The following PAG1 variants were observed in gnomAD, a reference collection of about 807,000 sequenced individuals.
PAG1 encodes phosphoprotein associated with glycosphingolipid-enriched microdomains 1.
PAG1 carries 23 observed loss-of-function variants against 31.7 expected under a neutral mutation model. The ratio of observed to expected loss-of-function variants is 0.73; its 90% CI spans 0.52 to 1.03. PAG1 has a LOEUF of 1.03. Ranked by LOEUF, PAG1 falls within the 50% of genes least tolerant of loss-of-function variation. The pLI, the probability that PAG1 is intolerant of heterozygous loss-of-function variation, is 0.00. For missense variants in PAG1, 473 were observed against 540.7 expected, an observed-to-expected ratio of 0.87 and a Z score of 1.24; for synonymous variants, 214 against 210.3, an observed-to-expected ratio of 1.02 and a Z score of -0.15.
chr8:81,061,779 T>G (rs1808921267), intron 2 of PAG1, among the ~76,000 whole-genome samples: 1 of 151,792 alleles, frequency 6.6e-6, no homozygotes, highest in South Asian at 2.1e-4. Context: ...AAGGTGAGAG[T>G]GTCTTATGGG....
intron 3 of PAG1, among the ~76,000 whole-genome samples, chr8:81,024,991 T>C (rs538453424): frequency 3.1e-4 from 47 of 152,284 alleles, no homozygotes; most frequent in Non-Finnish European, 5.7e-4. Context: ...GAAAAAAGCT[T>C]AGGGATAATT....
intron 2 of PAG1, among the ~76,000 whole-genome samples, chr8:81,045,562 G>C (rs955648192): frequency 6.6e-6 from 1 of 152,158 alleles, no homozygotes; most frequent in Non-Finnish European, 1.5e-5. Flanking sequence ...TGACAGCCTA[G>C]GGGTGAGGGG....
intron 1 of PAG1, among the ~76,000 whole-genome samples, chr8:81,099,509 C>T (rs956622391): frequency 1.3e-5 from 2 of 152,082 alleles, no homozygotes; most frequent in African/African-American, 4.8e-5. Context: ...TGAACCTGCA[C>T]TGTAGCATGT....
intron 2 of PAG1, among the ~76,000 whole-genome samples, chr8:81,061,857 T>C (rs73279955): frequency 0.12 from 17,563 of 152,106 alleles, 1,090 homozygotes; most frequent in South Asian, 0.21. Flanking sequence ...GAGATCTGAA[T>C]GACAAGAAGG....
rs763286053 is a variant in PAG1, at chr8:80,976,547, G to A, written c.1296C>T (p.Leu432=). ...CCCAGGGTTGTCTTCTGGGTTGCTA[G>A]AGCCTGGTAATATCTCTGCCTTGCT... ...DLQQGRDITR[L] is the part of the protein sequence containing the mutation. The change falls in exon 9 of 9, where the codon CTC becomes CTT. Residue 432 remains leucine (L), a synonymous_variant. Coordinates refer to ENST00000220597, the MANE Select transcript of PAG1 (RefSeq NM_018440.4). The A allele has an allele frequency of 1.8e-5, 29 of 1,608,944 alleles. No individual in the cohort carries two copies. Among genetic ancestry groups the A allele is most frequent in the Non-Finnish European group, 2.5e-5 (29 of 1,178,192 alleles).
At chr8:80,980,562 G>A (rs1480996375) in intron 7 of PAG1, 68 bp from the exon 8 acceptor site, 1 of 993,508 alleles carries the variant, frequency 1.0e-6, no homozygotes, top group East Asian at 2.4e-5. Flanking sequence ...TTTTGCACAT[G>A]TTTCCTCATA....
In PAG1 at chr8:81,044,247, A is replaced by G. The variant is rs545245140; in HGVS notation, c.-174-14158T>C. Among the ~76,000 whole-genome samples, 3 of 152,344 alleles carry G rather than the reference A, an allele frequency of 2.0e-5. No individual in the cohort carries two copies. In the East Asian group the frequency reaches 5.8e-4, roughly 29 times the overall value. On this transcript the variant is annotated intron_variant, in intron 2 of 8. Transcript: ENST00000220597. Reference sequence around the variant, plus strand: ...CCTCAGAACGTGACTTCATTTGGAAATAGGGTCTTTACAGAGGTAATCAAG... The same window carrying G: ...CCTCAGAACGTGACTTCATTTGGAAGTAGGGTCTTTACAGAGGTAATCAAG...
At position 80,973,339 on chromosome 8, in the gene PAG1, T is replaced by C. The variant is rs1807115759; in HGVS notation, c.*3205A>G. ...ATCTGCCTAGGATACAGACAGGATATTGAGACTATTTCAGAAAGTAGACAC... is the reference window on the plus strand; with the variant it reads ...ATCTGCCTAGGATACAGACAGGATACTGAGACTATTTCAGAAAGTAGACAC... On this transcript the variant is annotated 3_prime_UTR_variant, in exon 9 of 9. Transcript: ENST00000220597. The C allele has an allele frequency of 6.6e-6, 1 of 152,206 alleles. No homozygotes were observed. The highest frequency in any genetic ancestry group is 1.5e-5 in the Non-Finnish European group (1 of 68,026). The allele number at this position is 152,206 out of a possible 1,614,324, so 9.4% of individuals were successfully genotyped here. A position where few individuals can be genotyped will look rare whatever the true frequency, so the allele number is the denominator to read the frequency against.
intron 1 of PAG1, among the ~76,000 whole-genome samples, chr8:81,079,297 A>G (rs1809227895): frequency 6.6e-6 from 1 of 152,124 alleles, no homozygotes; most frequent in Non-Finnish European, 1.5e-5. Context: ...CACGCAAACA[A>G]GGCAGCCTCC....
chr8:81,068,491 C>T (rs1809043227), intron 2 of PAG1, among the ~76,000 whole-genome samples: 1 of 152,096 alleles, frequency 6.6e-6, no homozygotes, highest in South Asian at 2.1e-4. Context: ...GTTTTGGTGG[C>T]ACTTCTTTAA....
At chr8:80,994,678 C>A (rs1448973885) in intron 3 of PAG1, among the ~76,000 whole-genome samples, 1 of 152,170 alleles carries the variant, frequency 6.6e-6, no homozygotes, top group Non-Finnish European at 1.5e-5. Flanking sequence ...GGTCACTGCA[C>A]CCTGTCCCAA....
intron 1 of PAG1, among the ~76,000 whole-genome samples, chr8:81,081,825 A>G (rs1809271055): frequency 6.6e-6 from 1 of 152,240 alleles, no homozygotes; most frequent in Non-Finnish European, 1.5e-5. Context: ...CCACTCATCC[A>G]TTAAAGGATA....
chr8:81,007,125 CAG>C (rs369885304), intron 3 of PAG1, among the ~76,000 whole-genome samples: 11 of 150,486 alleles, frequency 7.3e-5, no homozygotes, highest in Non-Finnish European at 1.0e-4. Flanking sequence ...AACAGAGAGG[CAG>C]AGAGAGAGAG....
Position 80,974,749 on chromosome 8 carries a change from C to G in PAG1, c.*1795G>C, listed in dbSNP as rs1284909889. On this transcript the variant is annotated 3_prime_UTR_variant, in exon 9 of 9. Transcript: ENST00000220597. ...AGCAAGATTATTAAATCCAAAAAGT[C>G]ACAGATGTCACAAGGGGATGAAATA... The G allele has an allele frequency of 6.6e-6, 1 of 152,200 alleles. No homozygotes were observed. The highest frequency in any genetic ancestry group is 6.5e-5 in the Admixed American group (1 of 15,286). The allele number at this position is 152,200 out of a possible 1,614,324, so 9.4% of individuals were successfully genotyped here.
At chr8:81,059,425 T>C (rs12676549) in intron 2 of PAG1, among the ~76,000 whole-genome samples, 87,498 of 151,892 alleles carry the variant, frequency 0.58, 26,016 homozygotes, top group East Asian at 0.85. Flanking sequence ...GCCTGGGGTG[T>C]TATGTTACTA....
intron 3 of PAG1, among the ~76,000 whole-genome samples, chr8:81,021,514 G>A (rs1396948588): frequency 3.4e-5 from 3 of 87,536 alleles, no homozygotes; most frequent in African/African-American, 1.0e-4. Flanking sequence ...GTGTGTGTGT[G>A]TGCATGTGTG....
intron 5 of PAG1, among the ~76,000 whole-genome samples, chr8:80,988,913 A>G (rs1807480772): frequency 6.6e-6 from 1 of 152,254 alleles, no homozygotes. Context: ...GTTGGTGTTC[A>G]TGTATTTCTT....
chr8:81,038,726 T>C (rs1808504201), intron 2 of PAG1, among the ~76,000 whole-genome samples: 1 of 152,196 alleles, frequency 6.6e-6, no homozygotes, highest in Non-Finnish European at 1.5e-5. Context: ...CTTTCAATGC[T>C]GCTTGCAGAT....
In PAG1 at chr8:80,969,336, G is replaced by A. The variant is rs1178820837; in HGVS notation, c.*7208C>T. 6.6e-6 allele frequency: 1 copy of A among 152,140 alleles called. No homozygotes were observed. The highest frequency in any genetic ancestry group is 1.5e-5 in the Non-Finnish European group (1 of 68,024). The allele number at this position is 152,140 out of a possible 1,614,324, so 9.4% of individuals were successfully genotyped here. ...ATACATAGAAGCTTGTCAAAGGAAT[G>A]CTCAAAATCCTCAACCCATAGACTC... On this transcript the variant is annotated 3_prime_UTR_variant, in exon 9 of 9. Coordinates refer to ENST00000220597, the MANE Select transcript of PAG1 (RefSeq NM_018440.4).
Sources: gnomAD v4.1 joint callset for allele counts (sites outside exome capture counted in the v4.1 genomes callset) on GRCh38, gnomAD v4.1.1 for gene constraint, MANE v1.5 for transcripts, NCBI Gene and HGNC (gene_info 2026-07-23, HGNC 2026-07-21) for gene names.